The following ARHGAP4 variants were observed in gnomAD, a reference collection of about 807,000 sequenced individuals.
The protein encoded by ARHGAP4 is Rho GTPase activating protein 4.
Under a neutral mutation model 67.6 loss-of-function variants are expected in ARHGAP4, and 25 were observed. That is an observed-to-expected ratio of 0.37 (90% CI 0.27 to 0.52). The LOEUF is 0.52. ARHGAP4 is among the 20% of genes least tolerant of loss of function. The probability of loss-of-function intolerance (pLI) is 0.92; values close to 1 mark genes in which losing one functional copy is unlikely to be tolerated. For missense variants in ARHGAP4, 804 were observed against 854.6 expected, an observed-to-expected ratio of 0.94 and a Z score of 0.74; for synonymous variants, 448 against 373.7, an observed-to-expected ratio of 1.20 and a Z score of -2.29.
chrX:153,910,727 G>A lies in ARHGAP4; in HGVS notation c.1789C>T (p.Leu597=), dbSNP rs782133908. Residue 597 remains leucine, a synonymous_variant, in exon 15 of 22, where the codon CTG becomes TTG. Coordinates refer to ENST00000350060, the MANE Select transcript of ARHGAP4 (RefSeq NM_001666.5). The part of the protein sequence containing the change: ...SLEPPLFPPD[L]FGELLASSEL... ...GAAGAAGCCAGCAGCTCGCCGAACA[G>A]GTCTGGGGGGAAGAGTGGGGGCTCC... 8.4e-7 allele frequency: 1 copy of A among 1,193,063 alleles called. No homozygotes were observed. Among genetic ancestry groups the A allele is most frequent in the Non-Finnish European group, 1.1e-6 (1 of 886,385 alleles).
At chrX:153,925,254 T>C (rs1171441616) in intron 1 of ARHGAP4, among the ~76,000 whole-genome samples, 1 of 111,809 alleles carries the variant, frequency 8.9e-6, no homozygotes, top group Non-Finnish European at 1.9e-5. Flanking sequence ...CACTGAATAA[T>C]GATGTTAGAA....
At chrX:153,908,209 C>T (rs918299570) in intron 21 of ARHGAP4, among the ~76,000 whole-genome samples, 1 of 111,963 alleles carries the variant, frequency 8.9e-6, no homozygotes, top group African/African-American at 3.2e-5. Context: ...CCCCCCTCTT[C>T]TCGCCCCCAC....
At position 153,919,002 on chromosome X, in the gene ARHGAP4, T is replaced by A; in HGVS notation, c.862A>T (p.Thr288Ser). ...GCTTGGGTGCGGCTCTCAGCGGCCGTGTAGCTCCGGAGCACCTGCCCCAGG... is the reference window on the plus strand; with the variant it reads ...GCTTGGGTGCGGCTCTCAGCGGCCGAGTAGCTCCGGAGCACCTGCCCCAGG... ...LALGQVLRSY[T>S]AAESRTQASQ... The change falls in exon 7 of 22, where the codon ACG becomes TCG. Residue 288 changes from threonine to serine, a missense_variant. By Grantham distance (58) the Thr-to-Ser change is moderately conservative. This residue lies in a region of ARHGAP4 where 404 missense variants were observed against 505.9 expected (regional missense o/e 0.80). Coordinates refer to ENST00000350060, the MANE Select transcript of ARHGAP4 (RefSeq NM_001666.5). 8.3e-7 allele frequency: 1 copy of A among 1,211,682 alleles called. No individual in the cohort carries two copies. The highest frequency in any genetic ancestry group is 1.1e-6 in the Non-Finnish European group (1 of 895,480).
At chrX:153,918,504 G>A (rs1557104545) in intron 7 of ARHGAP4, among the ~76,000 whole-genome samples, 1 of 112,842 alleles carries the variant, frequency 8.9e-6, no homozygotes, top group Non-Finnish European at 1.9e-5. Flanking sequence ...CGACGGAGAA[G>A]GATAAAGAAG....
At position 153,909,158 on chromosome X, in the gene ARHGAP4, C is replaced by G; in HGVS notation, c.2519G>C (p.Cys840Ser). The change falls in exon 21 of 22, where the codon TGC becomes TCC. Residue 840 changes from cysteine to serine, a missense_variant. Physicochemically the swap from Cys to Ser is moderately radical, Grantham distance 112 (BLOSUM62 -1). Around this residue, in one of 2 missense-constraint regions of ARHGAP4, gnomAD observed 400 missense variants for 348.7 expected, o/e 1.15. Transcript: ENST00000350060. Reference protein sequence around the residue: ...ASELVHRPEPCTSPEAMGPSG... With the variant: ...ASELVHRPEPSTSPEAMGPSG... ...GGGTCCCATGGCCTCAGGTGAGGTG[C>G]ATGGCTCTGGCCTGCAGGACAGACA... is the stretch of plus-strand genomic sequence containing the variant. 8.3e-7 allele frequency: 1 copy of G among 1,208,555 alleles called. No individual in the cohort carries two copies. Among genetic ancestry groups the G allele is most frequent in the Middle Eastern group, 2.3e-4 (1 of 4,343 alleles).
Position 153,907,887 on chromosome X carries a change from C to G in ARHGAP4, c.2683G>C (p.Ala895Pro). 1 of 1,057,698 alleles carries G rather than the reference C, an allele frequency of 9.5e-7. No individual in the cohort carries two copies. The highest frequency in any genetic ancestry group is 1.2e-6 in the Non-Finnish European group (1 of 815,305). 87.2% of individuals were successfully genotyped at this position (1,057,698 alleles called of 1,213,427 possible). The change falls in exon 22 of 22, where the codon GCA (alanine) becomes CCA (proline). Residue 895 changes from alanine to proline, a missense_variant. Coordinates refer to ENST00000350060, the MANE Select transcript of ARHGAP4 (RefSeq NM_001666.5). The part of the protein sequence containing the change: ...KTSVRQGLGP[A>P]STTSPSPGPR... ...CCAGGACTGGGAGAGGTGGTAGATG[C>G]TGGCCCAAGGCCCTGGCGGACAGAG...
intron 1 of ARHGAP4, among the ~76,000 whole-genome samples, chrX:153,925,760 C>T (rs782310303): frequency 7.1e-5 from 8 of 112,300 alleles, no homozygotes; most frequent in Non-Finnish European, 1.3e-4. Context: ...CCCTTACTCA[C>T]CCCCCAGCCC....
At position 153,909,835 on chromosome X, in the gene ARHGAP4, G is replaced by A. The variant is rs368931061; in HGVS notation, c.2320C>T (p.Arg774Trp). The A allele has an allele frequency of 7.7e-5, 93 of 1,200,227 alleles. No homozygotes were observed. The highest frequency in any genetic ancestry group is 5.4e-4 in the East Asian group (18 of 33,338). Residue 774 changes from arginine to tryptophan, a missense_variant, in exon 19 of 22, where the codon CGG becomes TGG. This residue lies in a region of ARHGAP4 where 400 missense variants were observed against 348.7 expected (regional missense o/e 1.15). Transcript: ENST00000350060. ...ELSFRRGDVL[R>W]LHERASSDWW... The stretch of plus-strand genomic sequence containing the variant: ...TCGCTCGAGGCCCTCTCGTGCAGCC[G>A]CAGTACGTCCCCCCGCCGGAAGCTC...
At chrX:153,912,607 G>A (rs1191774084) in intron 12 of ARHGAP4, 93 bp downstream of exon 12, 7 of 767,430 alleles carry the variant, frequency 9.1e-6, no homozygotes, top group Non-Finnish European at 9.7e-6. Context: ...GAGGACCCTG[G>A]GATCAGGCAG....
chrX:153,919,322 T>C (rs1371005679), intron 5 of ARHGAP4, 39 bp from the exon 6 acceptor site: 8 of 1,210,348 alleles, frequency 6.6e-6, no homozygotes, highest in East Asian at 3.0e-5. Context: ...GTCACGCACG[T>C]GGCCAGCCCC....
At chrX:153,909,238 C>G in intron 20 of ARHGAP4, 69 bp from the exon 21 acceptor site, 1 of 1,034,403 alleles carries the variant, frequency 9.7e-7, no homozygotes, top group Non-Finnish European at 1.3e-6. Flanking sequence ...AGTGGCTCCT[C>G]CCATCCTGGG....
Position 153,926,211 on chromosome X carries a change from C to A in ARHGAP4, c.-9G>T. The A allele has an allele frequency of 1.7e-6, 2 of 1,188,032 alleles. No homozygotes were observed. The highest frequency in any genetic ancestry group is 2.3e-6 in the Non-Finnish European group (2 of 883,703). On this transcript the variant is annotated 5_prime_UTR_variant, in exon 1 of 22. Transcript: ENST00000350060. ...TTCCCGTGAGCGGCCATGGCGGCCT[C>A]GCGGCCGCGCCGTCGAACCCCACTG...
intron 1 of ARHGAP4, among the ~76,000 whole-genome samples, chrX:153,925,491 G>A (rs188410912): frequency 1.4e-4 from 16 of 112,595 alleles, no homozygotes; most frequent in Admixed American, 5.6e-4. Flanking sequence ...ACAAGCTATT[G>A]GCTAAGAATT....
At chrX:153,921,878 T>A in intron 1 of ARHGAP4, 69 bp from the exon 2 acceptor site, 2 of 1,096,351 alleles carry the variant, frequency 1.8e-6, no homozygotes, top group Non-Finnish European at 2.4e-6. Flanking sequence ...CAGCGTGGGA[T>A]GGGAGAGGCA....
chrX:153,910,799 C>A lies in ARHGAP4; in HGVS notation c.1717G>T (p.Asp573Tyr). Residue 573 changes from aspartate (D) to tyrosine (Y), a missense_variant, in exon 15 of 22, where the codon GAC (aspartate) becomes TAC (tyrosine). Physicochemically the swap from Asp to Tyr is radical, Grantham distance 160 (BLOSUM62 -3). Coordinates refer to ENST00000350060, the MANE Select transcript of ARHGAP4 (RefSeq NM_001666.5). The stretch of plus-strand genomic sequence containing the variant: ...AGCACCCCGGCCACCGAGTCCAGGT[C>A]ATGGGCAGTGCAGCCCTCCACCAGT... The part of the protein sequence containing the change: ...DPLVEGCTAH[D>Y]LDSVAGVLKL... 8.4e-7 allele frequency: 1 copy of A among 1,191,212 alleles called. No individual in the cohort carries two copies. The highest frequency in any genetic ancestry group is 3.0e-5 in the East Asian group (1 of 33,252).
intron 20 of ARHGAP4, 23 bp downstream of exon 20, chrX:153,909,420 C>T: frequency 8.5e-7 from 1 of 1,174,479 alleles, no homozygotes; most frequent in South Asian, 1.9e-5. Context: ...GTGTGGCCCC[C>T]TGAGCCCCGT....
At chrX:153,915,776 G>C (rs1173472745) in intron 7 of ARHGAP4, among the ~76,000 whole-genome samples, 1 of 111,890 alleles carries the variant, frequency 8.9e-6, no homozygotes, top group Non-Finnish European at 1.9e-5. Context: ...AACAGAGCCA[G>C]ACCCTCTCTC....
At position 153,923,390 on chromosome X, in the gene ARHGAP4, T is replaced by A. The variant is rs782768717; in HGVS notation, c.68-1581A>T. ...ATCCCTACCTCCTCCCCTGATCTCC[T>A]ATTGGAGAATGTCCCCTTCCTAGTC... On this transcript the variant is annotated intron_variant, in intron 1 of 21. Transcript: ENST00000350060. 1.6e-4 allele frequency among the ~76,000 whole-genome samples: 18 copies of A among 111,971 alleles called. 1 individual carries two copies. The South Asian group carries it at 6.6e-3, about 41-fold the overall frequency.
Position 153,912,706 on chromosome X carries a change from A to G in ARHGAP4, c.1536T>C (p.Phe512=). ...TGTGGGGCAAAGCTAGTACCTGGATAAACTTCTCCATGTCTCCCCCAAAGA... is the reference window on the plus strand; with the variant it reads ...TGTGGGGCAAAGCTAGTACCTGGATGAACTTCTCCATGTCTCCCCCAAAGA... ...QRLFGGDMEK[F]IQSSGQPVPL... Residue 512 remains phenylalanine (F), a synonymous_variant, in exon 12 of 22, where the codon TTT becomes TTC. Transcript: ENST00000350060. 1 of 1,207,259 alleles carries G rather than the reference A, an allele frequency of 8.3e-7. No homozygotes were observed.
Sources: gnomAD v4.1 joint callset for allele counts (sites outside exome capture counted in the v4.1 genomes callset) on GRCh38, gnomAD v4.1.1 for gene constraint, gnomAD v4.1.1 regional missense constraint, MANE v1.5 for transcripts, NCBI Gene and HGNC (gene_info 2026-07-23, HGNC 2026-07-21) for gene names.